Variants in ANGPTL2 observed in about 807,000 individuals in gnomAD.
ANGPTL2 encodes the protein angiopoietin like 2, also known as angiopoietin-related protein 2.
A neutral mutation model predicts 52.8 loss-of-function variants in ANGPTL2; 25 were observed. That is an observed-to-expected ratio of 0.47 (90% CI 0.35 to 0.66). The LOEUF (loss-of-function observed/expected upper bound fraction) is 0.66, where lower values mean the gene tolerates loss of function less well. Ranked by LOEUF, ANGPTL2 falls within the 30% of genes least tolerant of loss-of-function variation. ANGPTL2 has a pLI of 0.01. For synonymous variants in ANGPTL2, 276 were observed against 277.4 expected (o/e 1.00, Z 0.05); for missense variants, 546 against 656.9 (o/e 0.83, Z 1.84).
intron 1 of ANGPTL2, among the ~76,000 whole-genome samples, chr9:127,117,901 T>C (rs2055603861): frequency 6.6e-6 from 1 of 152,202 alleles, no homozygotes; most frequent in Non-Finnish European, 1.5e-5. Flanking sequence ...CATTCTGGGC[T>C]TTTCCTTGGT....
intron 3 of ANGPTL2, among the ~76,000 whole-genome samples, chr9:127,093,279 A>G (rs780991687): frequency 5.3e-5 from 8 of 152,164 alleles, no homozygotes; most frequent in Admixed American, 1.3e-4. Flanking sequence ...GGACTTGAGC[A>G]TTGCCACAAC....
In ANGPTL2 at chr9:127,094,241, C is replaced by T. The variant is rs1465142449; in HGVS notation, c.818-315G>A. On this transcript the variant is annotated intron_variant, in intron 2 of 4. Transcript: ENST00000373425. Reference sequence around the variant, plus strand: ...ATTGTAGAAGGAAGATCAGATTTCCCTCATATAGTGTTGTCAGGATTACTG... The same window carrying T: ...ATTGTAGAAGGAAGATCAGATTTCCTTCATATAGTGTTGTCAGGATTACTG... Among the ~76,000 whole-genome samples the T allele has an allele frequency of 3.9e-5, 6 of 152,096 alleles. No homozygotes were observed. In the East Asian group the frequency reaches 1.2e-3, roughly 29 times the overall value.
At chr9:127,109,264 A>T (rs977836236) in intron 1 of ANGPTL2, among the ~76,000 whole-genome samples, 6 of 152,198 alleles carry the variant, frequency 3.9e-5, no homozygotes, top group African/African-American at 1.4e-4. Flanking sequence ...TGTGCTGAAT[A>T]GCAGTTCTGT....
intron 2 of ANGPTL2, among the ~76,000 whole-genome samples, chr9:127,098,377 C>G (rs1434974956): frequency 6.6e-6 from 1 of 152,184 alleles, no homozygotes; most frequent in African/African-American, 2.4e-5. Flanking sequence ...CACCTGGGCT[C>G]AGAGTGGAGC....
intron 1 of ANGPTL2, among the ~76,000 whole-genome samples, chr9:127,115,198 T>A (rs2055274218): frequency 6.6e-6 from 1 of 152,022 alleles, no homozygotes; most frequent in Admixed American, 6.5e-5. Context: ...TTATTATTAT[T>A]ATTATTTTGA....
intron 3 of ANGPTL2, among the ~76,000 whole-genome samples, chr9:127,093,173 C>T (rs1053242244): frequency 3.3e-5 from 5 of 152,114 alleles, no homozygotes; most frequent in Non-Finnish European, 7.3e-5. Flanking sequence ...GGGGGAAGAA[C>T]GATGTATGAC....
chr9:127,089,054 C>T lies in ANGPTL2; in HGVS notation c.1367G>A (p.Gly456Asp). The change falls in exon 5 of 5, where the codon GGC (glycine) becomes GAC (aspartate). Residue 456 changes from glycine to aspartate, a missense_variant. By Grantham distance (94) the Gly-to-Asp change is moderately conservative. Around this residue, in one of 2 missense-constraint regions of ANGPTL2, gnomAD observed 261 missense variants for 361.0 expected, o/e 0.72. Coordinates refer to ENST00000373425, the MANE Select transcript of ANGPTL2 (RefSeq NM_012098.3). ...GTCCTGGTAGCGGCTCCGGTAATGG[C>T]CCCCGCGGTACCAGACCCCGTTGAG... ...SNLNGVWYRG[G>D]HYRSRYQDGV... is the part of the protein sequence containing the mutation. The T allele has an allele frequency of 1.2e-6, 2 of 1,614,194 alleles. No homozygotes were observed. Among genetic ancestry groups the T allele is most frequent in the Non-Finnish European group, 1.7e-6 (2 of 1,180,028 alleles).
At chr9:127,098,086 A>G (rs2053334373) in intron 2 of ANGPTL2, among the ~76,000 whole-genome samples, 2 of 152,166 alleles carry the variant, frequency 1.3e-5, no homozygotes, top group Non-Finnish European at 2.9e-5. Flanking sequence ...CCTCCTCCAC[A>G]CACGTTACTA....
chr9:127,088,902 T>C lies in ANGPTL2; in HGVS notation c.*37A>G. On this transcript the variant is annotated 3_prime_UTR_variant, in exon 5 of 5. Coordinates refer to ENST00000373425, the MANE Select transcript of ANGPTL2 (RefSeq NM_012098.3). The stretch of plus-strand genomic sequence containing the variant: ...GGCCAGCGTGACCAGGGTGGGCTCC[T>C]GGCAATGGCCACGAGAGGTCAGGAG... 1 of 1,613,718 alleles carries C rather than the reference T, an allele frequency of 6.2e-7. No individual in the cohort carries two copies. The highest frequency in any genetic ancestry group is 8.5e-7 in the Non-Finnish European group (1 of 1,179,632).
At chr9:127,098,299 G>A (rs1011438251) in intron 2 of ANGPTL2, among the ~76,000 whole-genome samples, 1 of 152,228 alleles carries the variant, frequency 6.6e-6, no homozygotes, top group Non-Finnish European at 1.5e-5. Context: ...ACCTAGCGGT[G>A]TTTAACTTGG....
At chr9:127,116,787 G>A (rs573489361) in intron 1 of ANGPTL2, among the ~76,000 whole-genome samples, 15 of 152,300 alleles carry the variant, frequency 9.8e-5, no homozygotes, top group Non-Finnish European at 1.9e-4. Context: ...CACTGATCCC[G>A]GTAGCTCTTT....
Position 127,108,064 on chromosome 9 carries a change from CG to C in ANGPTL2, c.667del (p.Arg223GlyfsTer26). 1 of 924,518 alleles carries C rather than the reference CG, an allele frequency of 1.1e-6. No individual in the cohort carries two copies. Among genetic ancestry groups the C allele is most frequent in the Non-Finnish European group, 1.6e-6 (1 of 639,922 alleles). The allele number at this position is 924,518 out of a possible 1,614,324, so 57.3% of individuals were successfully genotyped here. A position where few individuals can be genotyped will look rare whatever the true frequency, so the allele number is the denominator to read the frequency against. On this transcript the variant is annotated frameshift_variant, in exon 2 of 5. Transcript: ENST00000373425. LOFTEE classifies it high-confidence loss of function. ...VPQPPPAAPP[R>X]VYQPPTYNRI... ...GTTGTAGGTGGGTGGTTGGTAGACC[CG>C]GGGCGGGGCAGCGGGGGGTGGCTGG...
intron 4 of ANGPTL2, 77 bp from the exon 5 acceptor site, chr9:127,089,215 G>T: frequency 6.7e-7 from 1 of 1,484,520 alleles, no homozygotes; most frequent in Non-Finnish European, 9.4e-7. Context: ...AGGGCTTTCG[G>T]CAAAGCCCTC....
At chr9:127,118,843 T>G (rs1032901439) in intron 1 of ANGPTL2, among the ~76,000 whole-genome samples, 1 of 152,218 alleles carries the variant, frequency 6.6e-6, no homozygotes, top group Middle Eastern at 3.2e-3. Flanking sequence ...TGTACCTGCT[T>G]TGGCAGGGCT....
intron 1 of ANGPTL2, among the ~76,000 whole-genome samples, chr9:127,120,064 G>C (rs867713192): frequency 5.3e-4 from 81 of 152,354 alleles, no homozygotes; most frequent in African/African-American, 1.9e-3. Context: ...TATCAGTGTT[G>C]TCTGGTGTAA....
intron 3 of ANGPTL2, 101 bp downstream of exon 3, chr9:127,093,632 G>A: frequency 3.5e-6 from 5 of 1,416,332 alleles, no homozygotes; most frequent in Non-Finnish European, 4.9e-6. Flanking sequence ...GGCTTGGTCA[G>A]CATGTACCTC....
rs1470237284 is a variant in ANGPTL2, at chr9:127,108,267, G to A, written c.465C>T (p.Leu155=). ...IIRKRDNALE[L]SQLENRILNQ... ...TCAGGATCCTGTTCTCCAGCTGGGA[G>A]AGCTCCAACGCGTTGTCCCGCTTGC... The change falls in exon 2 of 5, where the codon CTC becomes CTT. Residue 155 remains leucine (L), a synonymous_variant. Transcript: ENST00000373425. 1.2e-6 allele frequency: 2 copies of A among 1,613,892 alleles called. No homozygotes were observed. The highest frequency in any genetic ancestry group is 1.7e-6 in the Non-Finnish European group (2 of 1,179,982).
chr9:127,100,359 T>C (rs2053592999), intron 2 of ANGPTL2, among the ~76,000 whole-genome samples: 1 of 152,258 alleles, frequency 6.6e-6, no homozygotes, highest in Non-Finnish European at 1.5e-5. Flanking sequence ...ATAAAGGTCC[T>C]GTTTCTGCTC....
At chr9:127,103,301 A>G (rs1344626872) in intron 2 of ANGPTL2, among the ~76,000 whole-genome samples, 1 of 152,244 alleles carries the variant, frequency 6.6e-6, no homozygotes, top group Non-Finnish European at 1.5e-5. Context: ...CATCCTGGCC[A>G]TAGCCCAATA....
Sources: gnomAD v4.1 joint callset for allele counts (sites outside exome capture counted in the v4.1 genomes callset) on GRCh38, gnomAD v4.1.1 for gene constraint, gnomAD v4.1.1 regional missense constraint, MANE v1.5 for transcripts, NCBI Gene and HGNC (gene_info 2026-07-23, HGNC 2026-07-21) for gene names.